The following SPAG16 variants were observed in gnomAD, a reference collection of about 807,000 sequenced individuals.
SPAG16 encodes the protein sperm-associated antigen 16 protein.
SPAG16 carries 86 observed loss-of-function variants against 80.4 expected under a neutral mutation model. That is an observed-to-expected ratio of 1.07 (90% CI 0.90 to 1.28). SPAG16 has a LOEUF of 1.28. Among genes scored for constraint, SPAG16 ranks in the 50% most tolerant of loss-of-function variants. The probability of loss-of-function intolerance (pLI) is 0.00; values close to 1 mark genes in which losing one functional copy is unlikely to be tolerated. For missense variants in SPAG16, 870 were observed against 765.3 expected (o/e 1.14, Z -1.61); for synonymous variants, 294 against 265.9 (o/e 1.11, Z -1.03).
In SPAG16 at chr2:214,142,784, T is replaced by C. The variant is rs1348433165; in HGVS notation, c.1594-6356T>C. Reference sequence around the variant, plus strand: ...TCAAACAACATTAGCCGGCAACTTTTGTCAGCTTCATTTTGTCAGGAAATC... The same window carrying C: ...TCAAACAACATTAGCCGGCAACTTTCGTCAGCTTCATTTTGTCAGGAAATC... On this transcript the variant is annotated intron_variant, in intron 14 of 15. Coordinates refer to ENST00000331683, the MANE Select transcript of SPAG16 (RefSeq NM_024532.5). Among the ~76,000 whole-genome samples, 9 of 152,286 alleles carry C rather than the reference T, an allele frequency of 5.9e-5. No homozygotes were observed. The East Asian group carries it at 1.5e-3, about 26-fold the overall frequency.
chr2:213,773,225 T>C (rs1423520547), intron 10 of SPAG16, among the ~76,000 whole-genome samples: 1 of 152,300 alleles, frequency 6.6e-6, no homozygotes, highest in African/African-American at 2.4e-5. Flanking sequence ...GAATTCTGTT[T>C]TATAGATGAG....
At chr2:213,463,019 A>C (rs188190235) in intron 9 of SPAG16, among the ~76,000 whole-genome samples, 86 of 152,344 alleles carry the variant, frequency 5.6e-4, no homozygotes, top group African/African-American at 2.0e-3. Context: ...GCTTTGACCA[A>C]AATGCTGATA....
intron 15 of SPAG16, among the ~76,000 whole-genome samples, chr2:214,164,121 T>C (rs2056559409): frequency 6.6e-6 from 1 of 152,086 alleles, no homozygotes; most frequent in Non-Finnish European, 1.5e-5. Context: ...TCAGGAAATA[T>C]TTACTATGCC....
At chr2:214,216,375 G>A (rs1277778258) in intron 15 of SPAG16, among the ~76,000 whole-genome samples, 1 of 152,160 alleles carries the variant, frequency 6.6e-6, no homozygotes, top group Non-Finnish European at 1.5e-5. Context: ...AGGCTGGAAT[G>A]CAGTGGCACG....
At chr2:213,559,885 C>T (rs978026267) in intron 10 of SPAG16, among the ~76,000 whole-genome samples, 1 of 151,930 alleles carries the variant, frequency 6.6e-6, no homozygotes, top group East Asian at 1.9e-4. Context: ...ATTTTAAACA[C>T]GGCATTCTGA....
At chr2:213,932,170 A>G (rs368650282) in intron 12 of SPAG16, among the ~76,000 whole-genome samples, 2 of 21,674 alleles carry the variant, frequency 9.2e-5, no homozygotes, top group African/African-American at 1.6e-4. Flanking sequence ...ATATATATAT[A>G]TATATATATA....
intron 12 of SPAG16, among the ~76,000 whole-genome samples, chr2:214,005,724 A>T (rs2046999306): frequency 6.7e-6 from 1 of 150,330 alleles, no homozygotes; most frequent in South Asian, 2.1e-4. Flanking sequence ...TAAAACAAAT[A>T]AATGTTTTCA....
chr2:213,890,087 A>T (rs1386906019), intron 11 of SPAG16, among the ~76,000 whole-genome samples: 1 of 152,066 alleles, frequency 6.6e-6, no homozygotes, highest in African/African-American at 2.4e-5. Flanking sequence ...TTTAATTTCA[A>T]TAAAGCAACA....
intron 11 of SPAG16, among the ~76,000 whole-genome samples, chr2:213,866,664 G>T (rs1012122622): frequency 6.6e-6 from 1 of 152,008 alleles, no homozygotes; most frequent in Non-Finnish European, 1.5e-5. Flanking sequence ...AAAGCAGAAT[G>T]GTGCTTACAG....
chr2:213,414,336 C>G (rs987097442), intron 9 of SPAG16, among the ~76,000 whole-genome samples: 1 of 152,030 alleles, frequency 6.6e-6, no homozygotes, highest in East Asian at 1.9e-4. Flanking sequence ...GCATGTTAAT[C>G]TGAAAATTTC....
chr2:214,037,137 G>C (rs2048738999), intron 13 of SPAG16, among the ~76,000 whole-genome samples: 1 of 151,710 alleles, frequency 6.6e-6, no homozygotes, highest in Non-Finnish European at 1.5e-5. Context: ...TGAAATGTTT[G>C]AGGTTATAGG....
chr2:214,089,879 T>G (rs1263508891), intron 13 of SPAG16, among the ~76,000 whole-genome samples: 2 of 152,048 alleles, frequency 1.3e-5, no homozygotes, highest in Admixed American at 6.6e-5. Context: ...TTCTAAATAT[T>G]TACTAAATAT....
At chr2:213,417,050 A>T (rs1453706266) in intron 9 of SPAG16, among the ~76,000 whole-genome samples, 3 of 152,056 alleles carry the variant, frequency 2.0e-5, no homozygotes, top group African/African-American at 7.2e-5. Context: ...AGGCACATTG[A>T]CTCGTGGGGT....
At chr2:213,816,151 T>C (rs2072521846) in intron 10 of SPAG16, among the ~76,000 whole-genome samples, 1 of 152,188 alleles carries the variant, frequency 6.6e-6, no homozygotes, top group African/African-American at 2.4e-5. Flanking sequence ...TTTTTGAAAC[T>C]TTCATAAATG....
At chr2:214,290,299 C>CTCT (rs1232641566) in intron 15 of SPAG16, among the ~76,000 whole-genome samples, 3 of 151,802 alleles carry the variant, frequency 2.0e-5, no homozygotes, top group Non-Finnish European at 4.4e-5. Context: ...TGGGTTTTTT[C>CTCT]TCTTCTTCAC....
chr2:213,301,733 G>A (rs1490053219), intron 3 of SPAG16, among the ~76,000 whole-genome samples: 2 of 152,058 alleles, frequency 1.3e-5, no homozygotes, highest in East Asian at 3.8e-4. Context: ...TTCCCAATGT[G>A]TCTACCCTTC....
intron 15 of SPAG16, among the ~76,000 whole-genome samples, chr2:214,390,341 T>TAAAA (rs756833750): frequency 2.2e-4 from 28 of 125,458 alleles, no homozygotes; most frequent in African/African-American, 7.2e-4. Context: ...CTTTTTTTTT[T>TAAAA]AAAAAAAAAA....
In SPAG16 at chr2:214,225,080, G is replaced by A. The variant is rs1345237822; in HGVS notation, c.1720+75814G>A. Among the ~76,000 whole-genome samples, 2 of 152,152 alleles carry A rather than the reference G, an allele frequency of 1.3e-5. 1 individual carries two copies. Among genetic ancestry groups the A allele is most frequent in the African/African-American group, 4.8e-5 (2 of 41,444 alleles). ...ATTTAAGCCATGCATATAGAAGAGA[G>A]CAGCAAGAACAAACCTCAAGTTTAA... is the stretch of plus-strand genomic sequence containing the variant. On this transcript the variant is annotated intron_variant, in intron 15 of 15. Coordinates refer to ENST00000331683, the MANE Select transcript of SPAG16 (RefSeq NM_024532.5).
intron 10 of SPAG16, among the ~76,000 whole-genome samples, chr2:213,696,926 G>C (rs1230826134): frequency 6.6e-6 from 1 of 152,104 alleles, no homozygotes; most frequent in African/African-American, 2.4e-5. Flanking sequence ...TTATAAAGTG[G>C]GAAGATTCTA....
Sources: gnomAD v4.1 joint callset for allele counts (sites outside exome capture counted in the v4.1 genomes callset) on GRCh38, gnomAD v4.1.1 for gene constraint, MANE v1.5 for transcripts, NCBI Gene and HGNC (gene_info 2026-07-23, HGNC 2026-07-21) for gene names.